The following STIM2 variants were observed in gnomAD, a reference collection of about 807,000 sequenced individuals.
STIM2 encodes the protein stromal interaction molecule 2.
In STIM2, 31 loss-of-function variants were observed where a neutral mutation model predicts 85.8. The ratio of observed to expected loss-of-function variants is 0.36; its 90% CI spans 0.27 to 0.49. The LOEUF is 0.49. Ranked by LOEUF, STIM2 falls within the 20% of genes least tolerant of loss-of-function variation. STIM2 has a pLI of 0.98. For synonymous variants in STIM2, 356 were observed against 331.1 expected (o/e 1.08, Z -0.82); for missense variants, 841 against 927.6 (o/e 0.91, Z 1.21).
intron 3 of STIM2, among the ~76,000 whole-genome samples, chr4:26,970,203 ATATATATATATATATATATG>A (rs58082084): frequency 1.6e-3 from 16 of 10,140 alleles, no homozygotes; most frequent in Non-Finnish European, 4.3e-3. Flanking sequence ...GTGTGTGTAT[ATATATATATATATATATATG>A]TATATATATA....
At chr4:27,018,827 T>C (rs906394119) in intron 11 of STIM2, among the ~76,000 whole-genome samples, 1 of 152,336 alleles carries the variant, frequency 6.6e-6, no homozygotes, top group East Asian at 1.9e-4. Context: ...CGAAGAAATA[T>C]CGGATATGAC....
rs1374323966 is a variant in STIM2 at position 27,025,311 on chromosome 4, T to A, written c.*2315T>A. The A allele has an allele frequency of 6.6e-6, 1 of 151,812 alleles. No homozygotes were observed. Among genetic ancestry groups the A allele is most frequent in the Non-Finnish European group, 1.5e-5 (1 of 67,978 alleles). 9.4% of individuals were successfully genotyped at this position (151,812 alleles called of 1,614,324 possible). On this transcript the variant is annotated 3_prime_UTR_variant, in exon 12 of 12. Transcript: ENST00000467087. ...ACATTTCTGTAAGTTTTTAAAATTA[T>A]CCATTTGTTACTTTAACATTTTAAA...
chr4:26,863,362 A>G (rs1478237765), intron 1 of STIM2, among the ~76,000 whole-genome samples: 1 of 152,190 alleles, frequency 6.6e-6, no homozygotes, highest in African/African-American at 2.4e-5. Flanking sequence ...TAAAGTTTAA[A>G]TCATAAAACT....
chr4:26,871,632 G>T (rs575793274), intron 1 of STIM2, among the ~76,000 whole-genome samples: 1 of 151,634 alleles, frequency 6.6e-6, no homozygotes, highest in Non-Finnish European at 1.5e-5. Context: ...CAAGGATGAC[G>T]GAATGTAATT....
At chr4:26,956,574 C>G (rs994291282) in intron 2 of STIM2, among the ~76,000 whole-genome samples, 1 of 151,482 alleles carries the variant, frequency 6.6e-6, no homozygotes, top group Non-Finnish European at 1.5e-5. Context: ...CTATCTCTCT[C>G]TATATTTCAA....
chr4:26,936,573 T>G (rs1725398201), intron 2 of STIM2, among the ~76,000 whole-genome samples: 1 of 152,240 alleles, frequency 6.6e-6, no homozygotes, highest in Admixed American at 6.5e-5. Context: ...ATAGTTCAGT[T>G]ATATACAGAT....
chr4:26,933,860 A>G (rs778407192), intron 2 of STIM2, among the ~76,000 whole-genome samples: 38 of 152,160 alleles, frequency 2.5e-4, no homozygotes, highest in Non-Finnish European at 3.8e-4. Context: ...ATATAAACAC[A>G]TTCAAACTAT....
rs373397554 is a variant in STIM2, at chr4:27,011,143, T to C, written c.1489+2141T>C. On this transcript the variant is annotated intron_variant, in intron 10 of 11. Coordinates refer to ENST00000467087, the MANE Select transcript of STIM2 (RefSeq NM_020860.4). ...CCCACTGTTTTAAAGTTGTGACTTA[T>C]GCTAAAGCCTGTTGTACTTTTATTA... Among the ~76,000 whole-genome samples, 6 of 152,352 alleles carry C rather than the reference T, an allele frequency of 3.9e-5. No individual in the cohort carries two copies. In the East Asian group the frequency reaches 9.6e-4, roughly 24 times the overall value.
chr4:26,922,935 A>G (rs1724858725), intron 2 of STIM2, among the ~76,000 whole-genome samples: 1 of 152,118 alleles, frequency 6.6e-6, no homozygotes, highest in South Asian at 2.1e-4. Flanking sequence ...CATTATATAT[A>G]TTATATATTA....
intron 1 of STIM2, among the ~76,000 whole-genome samples, chr4:26,904,870 TAC>T (rs1269378581): frequency 2.0e-5 from 3 of 151,902 alleles, no homozygotes; most frequent in African/African-American, 7.3e-5. Context: ...CCTGGAGTGA[TAC>T]CCTTGAGGGG....
At chr4:26,899,175 C>T (rs1723827363) in intron 1 of STIM2, among the ~76,000 whole-genome samples, 1 of 151,888 alleles carries the variant, frequency 6.6e-6, no homozygotes, top group South Asian at 2.1e-4. Context: ...TACTGTTTTA[C>T]GTCTATTCCC....
intron 3 of STIM2, among the ~76,000 whole-genome samples, chr4:26,992,525 C>G (rs1007623056): frequency 6.6e-6 from 1 of 151,770 alleles, no homozygotes; most frequent in African/African-American, 2.4e-5. Context: ...AAGACCCTAT[C>G]TCTACAAAAA....
chr4:26,989,608 T>C (rs1172887857), intron 3 of STIM2, among the ~76,000 whole-genome samples: 2 of 152,184 alleles, frequency 1.3e-5, no homozygotes, highest in Non-Finnish European at 2.9e-5. Flanking sequence ...CCAGAAATAC[T>C]AGCCAGAATA....
In STIM2 at chr4:26,931,101, C is replaced by T. The variant is rs187910969; in HGVS notation, c.282+11467C>T. Among the ~76,000 whole-genome samples the T allele has an allele frequency of 3.0e-4, 45 of 152,192 alleles. No individual in the cohort carries two copies. In the Middle Eastern group the frequency reaches 0.01, roughly 35 times the overall value. ...GCTGTTGGAGATACCAGTTTTCTGC[C>T]GTATAAGTCTCTCTGTAGGCAGTTT... On this transcript the variant is annotated intron_variant, in intron 2 of 11. Coordinates refer to ENST00000467087, the MANE Select transcript of STIM2 (RefSeq NM_020860.4).
chr4:26,999,643 T>A (rs555794341), intron 5 of STIM2, among the ~76,000 whole-genome samples: 1 of 152,322 alleles, frequency 6.6e-6, no homozygotes, highest in East Asian at 1.9e-4. Context: ...GGAGTTTTAA[T>A]GTTGATGTTA....
intron 2 of STIM2, among the ~76,000 whole-genome samples, chr4:26,931,274 A>G (rs1313367821): frequency 6.6e-6 from 1 of 152,094 alleles, no homozygotes; most frequent in African/African-American, 2.4e-5. Context: ...CTTTTGCTGT[A>G]TTCTACTCAT....
chr4:26,885,821 TTATATATATA>T lies in STIM2; in HGVS notation c.151+24496_151+24505del, dbSNP rs56851120. On this transcript the variant is annotated intron_variant, in intron 1 of 11. Coordinates refer to ENST00000467087, the MANE Select transcript of STIM2 (RefSeq NM_020860.4). ...ATGAAGCCAAATTTAGCACCTCAGG[TTATATATATA>T]TATATATATATATATATATATATAT... 4.8e-3 allele frequency among the ~76,000 whole-genome samples: 403 copies of T among 84,466 alleles called. 3 individuals are homozygous for T. The highest frequency in any genetic ancestry group is 7.1e-3 in the Middle Eastern group (1 of 140). 55.4% of individuals were successfully genotyped at this position (84,466 alleles called of 152,430 possible).
chr4:26,875,331 A>G (rs1192761861), intron 1 of STIM2, among the ~76,000 whole-genome samples: 1 of 152,190 alleles, frequency 6.6e-6, no homozygotes, highest in African/African-American at 2.4e-5. Flanking sequence ...TTATATATGA[A>G]TAATCTATGA....
intron 3 of STIM2, 100 bp downstream of exon 3, chr4:26,957,826 A>G (rs1489603161): frequency 4.4e-6 from 3 of 689,368 alleles, no homozygotes; most frequent in African/African-American, 3.8e-5. Context: ...AAAAAAATCA[A>G]AATAACATTT....
Sources: gnomAD v4.1 joint callset for allele counts (sites outside exome capture counted in the v4.1 genomes callset) on GRCh38, gnomAD v4.1.1 for gene constraint, MANE v1.5 for transcripts, NCBI Gene and HGNC (gene_info 2026-07-23, HGNC 2026-07-21) for gene names.